CCDC112: variants seen among roughly 807,000 people sequenced by gnomAD.
The protein encoded by CCDC112 is coiled-coil domain-containing protein 112.
In CCDC112, 40 loss-of-function variants were observed where a neutral mutation model predicts 66.3. The ratio of observed to expected loss-of-function variants is 0.60; its 90% CI spans 0.47 to 0.79. CCDC112 has a LOEUF of 0.79. CCDC112 is among the 30% of genes least tolerant of loss of function. The pLI is 0.00. For missense variants in CCDC112, 659 were observed against 603.8 expected (o/e 1.09, Z -0.96); for synonymous variants, 214 against 197.2 (o/e 1.09, Z -0.71).
At chr5:115,269,930 C>T (rs967925204) in intron 7 of CCDC112, 132 bp from the exon 8 acceptor site, 7 of 569,090 alleles carry the variant, frequency 1.2e-5, no homozygotes, top group Admixed American at 3.5e-5. Context: ...TCCAACAAAG[C>T]CTAAGAGCTT....
rs773905928 is a variant in CCDC112 at position 115,269,798 on chromosome 5, C to T, written c.1333G>A (p.Asp445Asn). 6 of 1,524,672 alleles carry T rather than the reference C, an allele frequency of 3.9e-6. No individual in the cohort carries two copies. In the South Asian group the frequency reaches 6.3e-5, roughly 16 times the overall value. The allele number at this position is 1,524,672 out of a possible 1,614,324, so 94.4% of individuals were successfully genotyped here. ...ATTTTCAGTTCAAGTTTATGTAAAT[C>T]CTTAAAAAAAAAAACCCATAGCATT... ...ADEISRFQER[D>N]LHKLELKILD... The change falls in exon 8 of 10, where the codon GAT becomes AAT. Residue 445 changes from aspartate to asparagine, a missense_variant and splice_region_variant. Physicochemically the swap from Asp to Asn is conservative, Grantham distance 23. Coordinates refer to ENST00000379611, the MANE Select transcript of CCDC112 (RefSeq NM_001040440.3).
Position 115,268,864 on chromosome 5 carries a change from A to G in CCDC112, c.1547+18T>C. On this transcript the variant is annotated intron_variant, in intron 9 of 9. Coordinates refer to ENST00000379611, the MANE Select transcript of CCDC112 (RefSeq NM_001040440.3). ...CAATTAAATTACTAAATGAACACCA[A>G]TTCTAACTCTTTCTTACCTATGTGG... 1 of 1,431,140 alleles carries G rather than the reference A, an allele frequency of 7.0e-7. No individual in the cohort carries two copies. Among genetic ancestry groups the G allele is most frequent in the Non-Finnish European group, 9.6e-7 (1 of 1,044,240 alleles). 88.7% of individuals were successfully genotyped at this position (1,431,140 alleles called of 1,614,324 possible).
chr5:115,268,038 T>A (rs1168108098), intron 9 of CCDC112, 120 bp from the exon 10 acceptor site: 5 of 730,912 alleles, frequency 6.8e-6, no homozygotes, highest in Non-Finnish European at 1.2e-5. Flanking sequence ...GTTGTTTGGC[T>A]GGTTCATATG....
chr5:115,280,694 A>C (rs1749415566), intron 2 of CCDC112, among the ~76,000 whole-genome samples: 1 of 151,858 alleles, frequency 6.6e-6, no homozygotes. Flanking sequence ...CTGGGACTAC[A>C]GGGGCACACA....
At chr5:115,283,439 T>TA (rs1274474923) in intron 2 of CCDC112, among the ~76,000 whole-genome samples, 2 of 152,132 alleles carry the variant, frequency 1.3e-5, no homozygotes, top group African/African-American at 4.8e-5. Flanking sequence ...TCAGCTCACT[T>TA]TTCTAAGAAA....
chr5:115,296,308 C>T (rs1750153604), intron 1 of CCDC112, 119 bp downstream of exon 1: 2 of 1,344,218 alleles, frequency 1.5e-6, no homozygotes, highest in African/African-American at 1.5e-5. Context: ...GCGTGCCAGG[C>T]CCCGAGCAGG....
chr5:115,267,827 T>A lies in CCDC112; in HGVS notation c.*49A>T. ...GTGGTTAGTCACTCTCTCCCTGGTA[T>A]AACTTAGTATGTTAACATTCTTATC... On this transcript the variant is annotated 3_prime_UTR_variant, in exon 10 of 10. Transcript: ENST00000379611. 7.1e-7 allele frequency: 1 copy of A among 1,405,298 alleles called. No individual in the cohort carries two copies. The highest frequency in any genetic ancestry group is 2.3e-5 in the East Asian group (1 of 43,786). The allele number at this position is 1,405,298 out of a possible 1,614,324, so 87.1% of individuals were successfully genotyped here.
intron 1 of CCDC112, among the ~76,000 whole-genome samples, chr5:115,285,905 G>A (rs1167192862): frequency 6.6e-6 from 1 of 152,084 alleles, no homozygotes; most frequent in Non-Finnish European, 1.5e-5. Flanking sequence ...AATGTATTTT[G>A]GAGGTATCAC....
At chr5:115,296,214 A>T in intron 1 of CCDC112, 1 of 1,278,806 alleles carries the variant, frequency 7.8e-7, no homozygotes, top group South Asian at 2.5e-5. Context: ...GTTCCCACCC[A>T]GGTCTTCCTC....
intron 1 of CCDC112, among the ~76,000 whole-genome samples, chr5:115,295,255 G>C (rs1288358390): frequency 6.6e-6 from 1 of 152,122 alleles, no homozygotes; most frequent in Non-Finnish European, 1.5e-5. Context: ...TAGGCAACTC[G>C]CAAGAAATGC....
chr5:115,283,595 A>G (rs1182014694), intron 2 of CCDC112, among the ~76,000 whole-genome samples: 2 of 152,102 alleles, frequency 1.3e-5, no homozygotes, highest in Non-Finnish European at 2.9e-5. Flanking sequence ...AATATATATA[A>G]TTTTTATTTG....
At chr5:115,291,386 T>C (rs1336302135) in intron 1 of CCDC112, among the ~76,000 whole-genome samples, 1 of 152,130 alleles carries the variant, frequency 6.6e-6, no homozygotes, top group Non-Finnish European at 1.5e-5. Flanking sequence ...TTTGCTAGTA[T>C]TTTGTTGAGT....
chr5:115,296,561 C>G lies in CCDC112; in HGVS notation c.-18G>C, dbSNP rs1750169382. On this transcript the variant is annotated 5_prime_UTR_variant, in exon 1 of 10. Transcript: ENST00000379611. ...GCGGCCATGTTTACCCGCCGAGCTA[C>G]TCGGGCCGCGGCGGCCACCGGTGCC... 1 of 1,460,060 alleles carries G rather than the reference C, an allele frequency of 6.8e-7. No individual in the cohort carries two copies. The highest frequency in any genetic ancestry group is 2.5e-5 in the Admixed American group (1 of 39,336). 90.4% of individuals were successfully genotyped at this position (1,460,060 alleles called of 1,614,324 possible). A position where few individuals can be genotyped will look rare whatever the true frequency, so the allele number is the denominator to read the frequency against.
At chr5:115,281,838 A>C (rs1749470209) in intron 2 of CCDC112, among the ~76,000 whole-genome samples, 1 of 152,200 alleles carries the variant, frequency 6.6e-6, no homozygotes, top group African/African-American at 2.4e-5. Flanking sequence ...TCATATTGGC[A>C]AAAAAATCAC....
Position 115,269,725 on chromosome 5 carries a change from CTTCT to C in CCDC112, c.1402_1405del (p.Arg468AspfsTer5), listed in dbSNP as rs1215043572. 1.3e-6 allele frequency: 2 copies of C among 1,599,928 alleles called. No homozygotes were observed. Among genetic ancestry groups the C allele is most frequent in the African/African-American group, 2.7e-5 (2 of 73,986 alleles). ...TACCTTTTCTTTTAATTTTGCCAGT[CTTCT>C]TTGTTTTTGTGACTTTTCATCTTCC... On this transcript the variant is annotated frameshift_variant, in exon 8 of 10. Transcript: ENST00000379611. LOFTEE classifies it high-confidence loss of function.
In CCDC112 at chr5:115,284,693, T is replaced by C. The variant is rs1749601216; in HGVS notation, c.239+94A>G. 15 of 934,022 alleles carry C rather than the reference T, an allele frequency of 1.6e-5. 1 individual carries two copies. The highest frequency in any genetic ancestry group is 7.1e-5 in the Admixed American group (3 of 42,062). The allele number at this position is 934,022 out of a possible 1,614,324, so 57.9% of individuals were successfully genotyped here. ...TAGTGATTACAATTTTATAACTTAA[T>C]GTGAGCCTAGGTAGGGTAGAGTAGA... On this transcript the variant is annotated intron_variant, in intron 2 of 9. Transcript: ENST00000379611.
At chr5:115,285,621 G>C (rs369948353) in intron 1 of CCDC112, among the ~76,000 whole-genome samples, 4 of 139,796 alleles carry the variant, frequency 2.9e-5, no homozygotes, top group Non-Finnish European at 4.8e-5. Context: ...TGAAAGTAGA[G>C]AGGCAGGTAT....
chr5:115,279,366 A>T (rs1749347744), intron 3 of CCDC112, among the ~76,000 whole-genome samples: 1 of 114,670 alleles, frequency 8.7e-6, no homozygotes, highest in African/African-American at 2.7e-5. Context: ...TGGTGTGTCA[A>T]CCAAAAAAAT....
Position 115,275,480 on chromosome 5 carries a change from T to C in CCDC112, c.654A>G (p.Lys218=), listed in dbSNP as rs773908208. 5.3e-5 allele frequency: 86 copies of C among 1,613,992 alleles called. No individual in the cohort carries two copies. Among genetic ancestry groups the C allele is most frequent in the Non-Finnish European group, 7.1e-5 (84 of 1,180,010 alleles). The change falls in exon 6 of 10, where the codon AAA becomes AAG. Residue 218 remains lysine (K), a synonymous_variant. Transcript: ENST00000379611. ...TEKAFRAISS[K]VPVDKVTPST... is the part of the protein sequence containing the mutation. ...TTGGTGTTACTTTGTCTACAGGAAC[T>C]TTGCTTGAGATTGCTCTGAAAGCTT...
Sources: gnomAD v4.1 joint callset for allele counts (sites outside exome capture counted in the v4.1 genomes callset) on GRCh38, gnomAD v4.1.1 for gene constraint, MANE v1.5 for transcripts, NCBI Gene and HGNC (gene_info 2026-07-23, HGNC 2026-07-21) for gene names.